Variants in ASTN2 observed in about 807,000 individuals in gnomAD.
ASTN2 encodes the protein astrotactin-2.
A neutral mutation model predicts 139.8 loss-of-function variants in ASTN2; 54 were observed. The ratio of observed to expected loss-of-function variants is 0.39; its 90% CI spans 0.31 to 0.48. The LOEUF (loss-of-function observed/expected upper bound fraction) is 0.48, where lower values mean the gene tolerates loss of function less well. Among genes scored for constraint, ASTN2 ranks in the 20% least tolerant of loss-of-function variants. The pLI is 0.95. For synonymous variants in ASTN2, 756 were observed against 719.5 expected (o/e 1.05, Z -0.81); for missense variants, 1,565 against 1,725.1 (o/e 0.91, Z 1.64).
intron 1 of ASTN2, among the ~76,000 whole-genome samples, chr9:117,412,007 TCCCC>T (rs145255224): frequency 5.4e-5 from 5 of 92,764 alleles, no homozygotes; most frequent in African/African-American, 2.3e-4. Context: ...ACCTCACCCC[TCCCC>T]CCCCCAACCC....
At chr9:117,335,190 C>A (rs146508731) in intron 1 of ASTN2, among the ~76,000 whole-genome samples, 1 of 152,182 alleles carries the variant, frequency 6.6e-6, no homozygotes, top group Non-Finnish European at 1.5e-5. Context: ...TATTTATTTA[C>A]ATGTTTATTG....
chr9:117,086,751 A>C (rs1828573764), intron 5 of ASTN2, among the ~76,000 whole-genome samples: 1 of 151,920 alleles, frequency 6.6e-6, no homozygotes, highest in Non-Finnish European at 1.5e-5. Flanking sequence ...CCCTGTAATA[A>C]CCAGATAAAC....
chr9:116,906,346 T>A (rs1834160383), intron 10 of ASTN2, among the ~76,000 whole-genome samples: 1 of 152,142 alleles, frequency 6.6e-6, no homozygotes, highest in Admixed American at 6.5e-5. Context: ...GCAGAACCTT[T>A]CAAAGGAAAC....
chr9:116,481,081 G>A (rs1849152693), intron 20 of ASTN2, among the ~76,000 whole-genome samples: 1 of 152,152 alleles, frequency 6.6e-6, no homozygotes, highest in Admixed American at 6.6e-5. Context: ...TTATGATTCA[G>A]TTTTATAGAT....
chr9:116,575,768 C>T (rs1853699373), intron 19 of ASTN2, among the ~76,000 whole-genome samples: 1 of 152,118 alleles, frequency 6.6e-6, no homozygotes, highest in Admixed American at 6.6e-5. Context: ...GTGTGCCTCT[C>T]CCTGTATATT....
intron 11 of ASTN2, among the ~76,000 whole-genome samples, chr9:116,844,470 G>C (rs1035251321): frequency 1.3e-5 from 2 of 152,170 alleles, no homozygotes; most frequent in Admixed American, 1.3e-4. Context: ...GCAAGCTTGG[G>C]CTTGAATCCC....
Position 116,863,631 on chromosome 9 carries a change from G to T in ASTN2, c.1992C>A (p.Arg664=), listed in dbSNP as rs370737651. 2 of 1,614,178 alleles carry T rather than the reference G, an allele frequency of 1.2e-6. No homozygotes were observed. Among genetic ancestry groups the T allele is most frequent in the South Asian group, 2.2e-5 (2 of 91,080 alleles). ...GCCGGTCAGACACACACTTGAAGTT[G>T]CGAGTGCAGCCCCCATTGTTCCGAG... The part of the protein sequence containing the change: ...DCSRNNGGCT[R]NFKCVSDRQV... The change falls in exon 11 of 23, where the codon CGC becomes CGA. Residue 664 remains arginine (R), a synonymous_variant. Transcript: ENST00000313400.
At chr9:116,905,865 T>TGGGGG (rs1564333905) in intron 10 of ASTN2, among the ~76,000 whole-genome samples, 1 of 106,636 alleles carries the variant, frequency 9.4e-6, no homozygotes, top group African/African-American at 4.5e-5. Flanking sequence ...TTTTTTTTTT[T>TGGGGG]TGGGGGGGGG....
At chr9:116,886,029 T>C (rs1268183517) in intron 10 of ASTN2, among the ~76,000 whole-genome samples, 3 of 152,200 alleles carry the variant, frequency 2.0e-5, no homozygotes, top group Admixed American at 6.5e-5. Context: ...TTAGAGAAGG[T>C]TGGGGAGAAG....
chr9:117,393,945 T>C (rs1564182179), intron 1 of ASTN2, among the ~76,000 whole-genome samples: 1 of 152,174 alleles, frequency 6.6e-6, no homozygotes, highest in Non-Finnish European at 1.5e-5. Context: ...TACTGGTAAG[T>C]GTGATTAATA....
chr9:116,748,730 A>G (rs769124665), intron 13 of ASTN2, among the ~76,000 whole-genome samples: 1 of 152,192 alleles, frequency 6.6e-6, no homozygotes, highest in Non-Finnish European at 1.5e-5. Flanking sequence ...AGTGCATGTT[A>G]TCATTCCTTA....
chr9:117,250,017 A>G (rs1002327269), intron 2 of ASTN2, among the ~76,000 whole-genome samples: 1 of 152,178 alleles, frequency 6.6e-6, no homozygotes, highest in Non-Finnish European at 1.5e-5. Context: ...GCTTCACCTG[A>G]TGTGGCAGAC....
intron 2 of ASTN2, among the ~76,000 whole-genome samples, chr9:117,237,227 T>C (rs144333064): frequency 5.8e-4 from 89 of 152,258 alleles, no homozygotes; most frequent in African/African-American, 2.0e-3. Flanking sequence ...ACCAACCTAA[T>C]AGTTTCTATT....
At chr9:116,778,859 T>C (rs1330923104) in intron 13 of ASTN2, among the ~76,000 whole-genome samples, 1 of 152,120 alleles carries the variant, frequency 6.6e-6, no homozygotes, top group Non-Finnish European at 1.5e-5. Flanking sequence ...ATCTAAATGA[T>C]TGATTAAGTG....
intron 16 of ASTN2, among the ~76,000 whole-genome samples, chr9:116,725,531 C>T (rs529513153): frequency 2.0e-5 from 3 of 152,192 alleles, no homozygotes; most frequent in East Asian, 1.9e-4. Flanking sequence ...GAGTCTAGAA[C>T]ACTAACTTGA....
At chr9:117,406,899 C>A (rs1019933840) in intron 1 of ASTN2, among the ~76,000 whole-genome samples, 17 of 131,730 alleles carry the variant, frequency 1.3e-4, no homozygotes, top group Admixed American at 1.1e-3. Context: ...CACACACACA[C>A]AACACAGAGG....
chr9:117,396,138 C>T (rs1035670587), intron 1 of ASTN2, among the ~76,000 whole-genome samples: 1 of 152,216 alleles, frequency 6.6e-6, no homozygotes, highest in Non-Finnish European at 1.5e-5. Flanking sequence ...GAGTTCCTGG[C>T]TCATCTCTGG....
intron 3 of ASTN2, among the ~76,000 whole-genome samples, chr9:117,184,113 C>T (rs986973205): frequency 2.0e-5 from 3 of 152,124 alleles, no homozygotes; most frequent in African/African-American, 7.2e-5. Flanking sequence ...TCCATCTGCC[C>T]ACATATAAAC....
At chr9:116,619,657 G>C (rs1490693398) in intron 18 of ASTN2, among the ~76,000 whole-genome samples, 1 of 149,978 alleles carries the variant, frequency 6.7e-6, no homozygotes, top group East Asian at 2.0e-4. Context: ...CATAGTAGCT[G>C]GGACTACAGG....
Sources: allele counts gnomAD v4.1 joint callset (sites outside exome capture counted in the v4.1 genomes callset), GRCh38; gene constraint gnomAD v4.1.1; transcripts MANE v1.5; gene names NCBI Gene and HGNC (gene_info 2026-07-23, HGNC 2026-07-21).